ELOVL5: variants seen among roughly 807,000 people sequenced by gnomAD.
ELOVL5 encodes the protein ELOVL fatty acid elongase 5.
Under a neutral mutation model 38.6 loss-of-function variants are expected in ELOVL5, and 8 were observed. That is an observed-to-expected ratio of 0.21 (90% CI 0.12 to 0.37). The LOEUF (loss-of-function observed/expected upper bound fraction) is 0.37, where lower values mean the gene tolerates loss of function less well. Ranked by LOEUF, ELOVL5 falls within the 10% of genes least tolerant of loss-of-function variation. The pLI, the probability that ELOVL5 is intolerant of heterozygous loss-of-function variation, is 1.00. For missense variants in ELOVL5, 280 were observed against 367.8 expected (o/e 0.76, Z 1.95); for synonymous variants, 127 against 133.7 (o/e 0.95, Z 0.34).
chr6:53,326,640 T>A (rs918172407), intron 1 of ELOVL5, among the ~76,000 whole-genome samples: 1 of 152,194 alleles, frequency 6.6e-6, no homozygotes, highest in African/African-American at 2.4e-5. Context: ...TAGGTCCCTC[T>A]CTGTACATTC....
chr6:53,287,268 AT>A (rs1299434686), intron 3 of ELOVL5, among the ~76,000 whole-genome samples: 2 of 152,240 alleles, frequency 1.3e-5, no homozygotes, highest in East Asian at 1.9e-4. Context: ...TACTCAAAAA[AT>A]AATCTTGTCT....
intron 3 of ELOVL5, chr6:53,276,878 T>C (rs1766156202): frequency 6.6e-6 from 1 of 151,636 alleles, no homozygotes. Context: ...ATCCTCCGGA[T>C]CCATGAATTA....
At chr6:53,290,931 A>G (rs1336160086) in intron 3 of ELOVL5, among the ~76,000 whole-genome samples, 3 of 152,172 alleles carry the variant, frequency 2.0e-5, no homozygotes, top group Non-Finnish European at 4.4e-5. Flanking sequence ...CCTATACAGG[A>G]GTGCCTGTAT....
chr6:53,296,148 C>T (rs1766994830), intron 1 of ELOVL5, among the ~76,000 whole-genome samples: 1 of 151,832 alleles, frequency 6.6e-6, no homozygotes, highest in South Asian at 2.1e-4. Flanking sequence ...CCGCTTGTTA[C>T]TTTTATCAAT....
At chr6:53,324,672 CA>C (rs200304234) in intron 1 of ELOVL5, among the ~76,000 whole-genome samples, 119 of 80,362 alleles carry the variant, frequency 1.5e-3, no homozygotes, top group Non-Finnish European at 1.8e-3. Context: ...GAGATCCTGT[CA>C]AAAAAAAAAA....
At chr6:53,334,345 T>C (rs1011241527) in intron 1 of ELOVL5, among the ~76,000 whole-genome samples, 3 of 152,180 alleles carry the variant, frequency 2.0e-5, no homozygotes, top group Non-Finnish European at 4.4e-5. Context: ...GAGAGGCTCC[T>C]GAGAAGACCT....
chr6:53,324,330 A>G (rs1486054502), intron 1 of ELOVL5, among the ~76,000 whole-genome samples: 3 of 152,018 alleles, frequency 2.0e-5, no homozygotes, highest in Non-Finnish European at 4.4e-5. Flanking sequence ...TATTGATTAC[A>G]TAAGTTTATA....
Position 53,333,991 on chromosome 6 carries a change from A to C in ELOVL5, c.-9+14826T>G, listed in dbSNP as rs540608334. Among the ~76,000 whole-genome samples, 11 of 152,180 alleles carry C rather than the reference A, an allele frequency of 7.2e-5. No homozygotes were observed. In the South Asian group the frequency reaches 2.1e-3, roughly 29 times the overall value. On this transcript the variant is annotated intron_variant, in intron 1 of 7. Transcript: ENST00000304434. ...CTGTCTATGGTATCCTACAATCTCT[A>C]ATGTCAATATGGTCTATAGTGGCTC...
rs148104204 is a variant in ELOVL5 at position 53,342,486 on chromosome 6, G to A, written c.-9+6331C>T. ...GCATGGCTTCAATTAGGTCTGTTCA[G>A]CATGGGCTTATAAGAGATTAATTCT... On this transcript the variant is annotated intron_variant, in intron 1 of 7. Transcript: ENST00000304434. 9.2e-5 allele frequency among the ~76,000 whole-genome samples: 14 copies of A among 152,310 alleles called. No homozygotes were observed. In the East Asian group the frequency reaches 2.7e-3, roughly 29 times the overall value.
chr6:53,322,084 G>C (rs1171661751), intron 1 of ELOVL5, among the ~76,000 whole-genome samples: 3 of 152,132 alleles, frequency 2.0e-5, no homozygotes, highest in Non-Finnish European at 4.4e-5. Flanking sequence ...AGCAATCCTT[G>C]AGAACAAGTA....
At chr6:53,347,936 AC>A (rs1235435016) in intron 1 of ELOVL5, among the ~76,000 whole-genome samples, 3 of 152,048 alleles carry the variant, frequency 2.0e-5, no homozygotes, top group Admixed American at 2.0e-4. Flanking sequence ...GGAGAGTCTT[AC>A]CGGCGTGGAA....
At chr6:53,314,530 C>T (rs888887774) in intron 1 of ELOVL5, among the ~76,000 whole-genome samples, 4 of 152,120 alleles carry the variant, frequency 2.6e-5, no homozygotes, top group African/African-American at 4.8e-5. Context: ...CATATATAAT[C>T]GTTTAACAAT....
intron 1 of ELOVL5, among the ~76,000 whole-genome samples, chr6:53,334,791 G>A (rs1038730532): frequency 5.3e-5 from 8 of 151,944 alleles, no homozygotes; most frequent in Admixed American, 5.2e-4. Flanking sequence ...TCATTTCTGT[G>A]ACCTGCCCCA....
intron 1 of ELOVL5, among the ~76,000 whole-genome samples, chr6:53,347,524 A>C (rs904254313): frequency 6.6e-6 from 1 of 152,202 alleles, no homozygotes; most frequent in Admixed American, 6.5e-5. Context: ...GTTATCTGCC[A>C]AGCGGTTAGG....
chr6:53,281,450 G>C (rs956449283), intron 3 of ELOVL5, among the ~76,000 whole-genome samples: 2 of 152,078 alleles, frequency 1.3e-5, no homozygotes, highest in Non-Finnish European at 2.9e-5. Flanking sequence ...GGTACCACTG[G>C]GATTAGCACA....
At chr6:53,297,042 T>C (rs1767030643) in intron 1 of ELOVL5, among the ~76,000 whole-genome samples, 1 of 152,180 alleles carries the variant, frequency 6.6e-6, no homozygotes, top group South Asian at 2.1e-4. Context: ...TCAATGACAC[T>C]TTCAAAGTAG....
intron 1 of ELOVL5, among the ~76,000 whole-genome samples, chr6:53,301,932 T>TA (rs1442913464): frequency 1.3e-5 from 2 of 152,176 alleles, no homozygotes; most frequent in Non-Finnish European, 2.9e-5. Flanking sequence ...TATTTAAAGA[T>TA]ACAGCTGAAA....
intron 2 of ELOVL5, among the ~76,000 whole-genome samples, chr6:53,293,428 C>G (rs1207987360): frequency 6.6e-6 from 1 of 152,192 alleles, no homozygotes; most frequent in Non-Finnish European, 1.5e-5. Flanking sequence ...AGCGATTCTC[C>G]TGCCTTAGCC....
At chr6:53,276,339 T>C (rs959528447) in intron 3 of ELOVL5, 83 bp from the exon 4 acceptor site, 35 of 932,364 alleles carry the variant, frequency 3.8e-5, no homozygotes, top group Non-Finnish European at 6.1e-5. Flanking sequence ...GCAGAATCTG[T>C]GATAATTTAC....
Sources: allele counts gnomAD v4.1 joint callset (sites outside exome capture counted in the v4.1 genomes callset), GRCh38; gene constraint gnomAD v4.1.1; transcripts MANE v1.5; gene names NCBI Gene and HGNC (gene_info 2026-07-23, HGNC 2026-07-21).